Variants in LARGE1 observed in about 807,000 individuals in gnomAD.
LARGE1 encodes xylosyl- and glucuronyltransferase LARGE1.
Under a neutral mutation model 87.6 loss-of-function variants are expected in LARGE1, and 43 were observed. That is an observed-to-expected ratio of 0.49 (90% CI 0.38 to 0.63). The LOEUF is 0.63. Among genes scored for constraint, LARGE1 ranks in the 30% least tolerant of loss-of-function variants. LARGE1 has a pLI of 0.00. For synonymous variants in LARGE1, 434 were observed against 394.6 expected (o/e 1.10, Z -1.18); for missense variants, 802 against 1,000.2 (o/e 0.80, Z 2.67).
intron 11 of LARGE1, among the ~76,000 whole-genome samples, chr22:33,315,127 T>C (rs1301171095): frequency 6.6e-6 from 1 of 152,138 alleles, no homozygotes; most frequent in Non-Finnish European, 1.5e-5. Flanking sequence ...AAGAATGGTG[T>C]GAACCCGGGA....
At chr22:33,135,036 A>T in the LARGE1 span, among the ~76,000 whole-genome samples, 1 of 152,232 alleles carries the variant, frequency 6.6e-6, no homozygotes, top group East Asian at 1.9e-4. Context: ...AAACAGCCCC[A>T]GGAGAAGAGC....
chr22:33,586,713 TC>T (rs2078687174), intron 5 of LARGE1, among the ~76,000 whole-genome samples: 1 of 152,174 alleles, frequency 6.6e-6, no homozygotes, highest in African/African-American at 2.4e-5. Context: ...CGCCTCAGCC[TC>T]CCGAAGTGCT....
the LARGE1 span, among the ~76,000 whole-genome samples, chr22:33,071,987 A>G: frequency 3.1e-3 from 472 of 152,208 alleles, no homozygotes; most frequent in African/African-American, 9.9e-3. Context: ...GATCCCCTAA[A>G]TGCAGATTGG....
chr22:33,253,908 G>GTTTTT (rs536060752), intron 11 of LARGE1, among the ~76,000 whole-genome samples: 1 of 143,224 alleles, frequency 7.0e-6, no homozygotes, highest in Admixed American at 6.9e-5. Context: ...TTCCTTCTTG[G>GTTTTT]TTTTTTTTTT....
rs2079635844 is a variant in LARGE1, at chr22:33,618,164, TGA to T, written c.491+8078_491+8079del. Among the ~76,000 whole-genome samples the T allele has an allele frequency of 2.6e-5, 4 of 152,310 alleles. No homozygotes were observed. The South Asian group carries it at 8.3e-4, about 32-fold the overall frequency. On this transcript the variant is annotated intron_variant, in intron 4 of 14. Coordinates refer to ENST00000397394, the MANE Select transcript of LARGE1 (RefSeq NM_133642.5). ...TTTCAGAAAATCACCGCAGCCAGAA[TGA>T]GAGTTTTTCAGTGAGTCCTTCATTT...
intron 1 of LARGE1, among the ~76,000 whole-genome samples, chr22:33,810,587 C>A (rs2086461352): frequency 6.6e-6 from 1 of 152,168 alleles, no homozygotes; most frequent in South Asian, 2.1e-4. Flanking sequence ...CCATTATGCG[C>A]CCTTTTCTCT....
At chr22:33,914,482 AG>A (rs1157371635) in intron 1 of LARGE1, among the ~76,000 whole-genome samples, 1 of 152,226 alleles carries the variant, frequency 6.6e-6, no homozygotes, top group Non-Finnish European at 1.5e-5. Context: ...TTAATCACAA[AG>A]CACTTAATTC....
At chr22:33,302,640 G>T (rs536216145) in intron 12 of LARGE1, among the ~76,000 whole-genome samples, 1 of 152,184 alleles carries the variant, frequency 6.6e-6, no homozygotes, top group Non-Finnish European at 1.5e-5. Context: ...GTAAGAGAAA[G>T]ATACTAAGAG....
chr22:33,257,582 T>A (rs1927381013), intron 11 of LARGE1, among the ~76,000 whole-genome samples: 1 of 152,206 alleles, frequency 6.6e-6, no homozygotes, highest in African/African-American at 2.4e-5. Context: ...AGATAACGCA[T>A]CTGCCCAGAG....
chr22:33,206,360 G>C (rs1220086042), intron 11 of LARGE1, among the ~76,000 whole-genome samples: 1 of 152,056 alleles, frequency 6.6e-6, no homozygotes, highest in Non-Finnish European at 1.5e-5. Context: ...CCAAAGTGTT[G>C]GGATTACAGG....
intron 1 of LARGE1, among the ~76,000 whole-genome samples, chr22:33,901,052 A>G (rs974173593): frequency 2.0e-5 from 3 of 152,198 alleles, no homozygotes; most frequent in Non-Finnish European, 2.9e-5. Context: ...TGTCTCAGAA[A>G]AAAAGGGAGG....
In LARGE1 at chr22:33,683,665, C is replaced by G. The variant is rs114164130; in HGVS notation, c.107-32997G>C. Among the ~76,000 whole-genome samples the G allele has an allele frequency of 1.5e-3, 232 of 151,600 alleles. 1 individual carries two copies. Among genetic ancestry groups the G allele is most frequent in the African/African-American group, 4.8e-3 (199 of 41,192 alleles). On this transcript the variant is annotated intron_variant, in intron 2 of 14. Coordinates refer to ENST00000397394, the MANE Select transcript of LARGE1 (RefSeq NM_133642.5). Reference sequence around the variant, plus strand: ...GACAGACAGACAGACAGACGATAGACAGAAGATAGATGGAGATAGAGGAAA... The same window carrying G: ...GACAGACAGACAGACAGACGATAGAGAGAAGATAGATGGAGATAGAGGAAA...
At chr22:33,124,098 C>T in the LARGE1 span, among the ~76,000 whole-genome samples, 2 of 152,104 alleles carry the variant, frequency 1.3e-5, no homozygotes, top group African/African-American at 4.8e-5. Flanking sequence ...ACTAGCCTGT[C>T]CAACATGGTG....
At chr22:33,608,856 G>C (rs1296059545) in intron 4 of LARGE1, among the ~76,000 whole-genome samples, 2 of 152,124 alleles carry the variant, frequency 1.3e-5, no homozygotes, top group Non-Finnish European at 2.9e-5. Context: ...TCCAAAGCAG[G>C]AAAGAGATAA....
chr22:33,089,365 TCTTCTC>T, the LARGE1 span, among the ~76,000 whole-genome samples: 6,416 of 59,710 alleles, frequency 0.11, 243 homozygotes, highest in East Asian at 0.33. Context: ...TTCTTCTTCT[TCTTCTC>T]CTTCTTCTTC....
intron 6 of LARGE1, among the ~76,000 whole-genome samples, chr22:33,451,574 T>C (rs1005516854): frequency 6.6e-6 from 1 of 151,362 alleles, no homozygotes; most frequent in African/African-American, 2.4e-5. Context: ...TTTTTTTTTT[T>C]TTTGAGACCA....
chr22:33,844,591 T>C (rs1008759825), intron 1 of LARGE1, among the ~76,000 whole-genome samples: 8 of 152,156 alleles, frequency 5.3e-5, no homozygotes, highest in Non-Finnish European at 8.8e-5. Flanking sequence ...CCGGCATGAC[T>C]GAAGAGCATA....
the LARGE1 span, among the ~76,000 whole-genome samples, chr22:33,093,814 CTTTCTTTCTTT>C: frequency 1.6e-5 from 2 of 126,954 alleles, no homozygotes; most frequent in Non-Finnish European, 3.3e-5. Flanking sequence ...CTTTTTTTTT[CTTTCTTTCTTT>C]TTTTTTTTTT....
chr22:33,560,957 G>A (rs2077838746), intron 6 of LARGE1, among the ~76,000 whole-genome samples: 1 of 152,060 alleles, frequency 6.6e-6, no homozygotes, highest in Admixed American at 6.5e-5. Context: ...TGGGACTACA[G>A]GCGTCCGCCA....
Sources: gnomAD v4.1 joint callset for allele counts (sites outside exome capture counted in the v4.1 genomes callset) on GRCh38, gnomAD v4.1.1 for gene constraint, MANE v1.5 for transcripts, NCBI Gene and HGNC (gene_info 2026-07-23, HGNC 2026-07-21) for gene names.